Variants in NRXN3 observed in about 807,000 individuals in gnomAD.
NRXN3 encodes the protein neurexin III.
A neutral mutation model predicts 137.6 loss-of-function variants in NRXN3; 32 were observed. The ratio of observed to expected loss-of-function variants is 0.23; its 90% CI spans 0.18 to 0.31. NRXN3 has a LOEUF of 0.31. Among genes scored for constraint, NRXN3 ranks in the 10% least tolerant of loss-of-function variants. The probability of loss-of-function intolerance (pLI) is 1.00; values close to 1 mark genes in which losing one functional copy is unlikely to be tolerated. For synonymous variants in NRXN3, 798 were observed against 784.5 expected (o/e 1.02, Z -0.29); for missense variants, 1,574 against 2,062.5 (o/e 0.76, Z 4.59).
intron 15 of NRXN3, among the ~76,000 whole-genome samples, chr14:79,287,300 T>C (rs904616510): frequency 2.0e-5 from 3 of 152,184 alleles, no homozygotes; most frequent in Non-Finnish European, 2.9e-5. Context: ...TAGAAAGTCA[T>C]GCCAGGCAAA....
intron 15 of NRXN3, among the ~76,000 whole-genome samples, chr14:79,292,269 T>C (rs1409896837): frequency 1.3e-5 from 2 of 152,210 alleles, no homozygotes; most frequent in African/African-American, 4.8e-5. Flanking sequence ...AATGAATAGT[T>C]ACATCTTTAC....
At chr14:78,746,435 T>A (rs1480382715) in intron 8 of NRXN3, among the ~76,000 whole-genome samples, 1 of 152,160 alleles carries the variant, frequency 6.6e-6, no homozygotes, top group Non-Finnish European at 1.5e-5. Flanking sequence ...GTGGGATAAG[T>A]TCTTACAATG....
At chr14:78,466,703 C>A (rs977848873) in intron 4 of NRXN3, among the ~76,000 whole-genome samples, 23 of 152,138 alleles carry the variant, frequency 1.5e-4, no homozygotes, top group African/African-American at 5.6e-4. Flanking sequence ...ACCAGACAGA[C>A]CTGGAGTCAA....
chr14:78,897,186 TAA>T (rs2099179306), intron 10 of NRXN3, among the ~76,000 whole-genome samples: 2 of 151,906 alleles, frequency 1.3e-5, no homozygotes, highest in African/African-American at 4.8e-5. Flanking sequence ...AAGTGTTTCA[TAA>T]AGTGTTTGTT....
chr14:78,398,354 CTT>C (rs1392822824), intron 4 of NRXN3, among the ~76,000 whole-genome samples: 1 of 151,916 alleles, frequency 6.6e-6, no homozygotes, highest in Non-Finnish European at 1.5e-5. Context: ...AACCTGGACA[CTT>C]TGGTTATTAT....
At chr14:78,967,031 G>A (rs894404470) in intron 12 of NRXN3, among the ~76,000 whole-genome samples, 177 bp from the exon 13 acceptor site, 2 of 152,124 alleles carry the variant, frequency 1.3e-5, no homozygotes, top group Admixed American at 6.5e-5. Flanking sequence ...TTATAGTGAA[G>A]CATGATAGAA....
chr14:79,136,148 T>C (rs2620392), intron 15 of NRXN3, among the ~76,000 whole-genome samples: 4,036 of 152,266 alleles, frequency 0.027, 180 homozygotes, highest in African/African-American at 0.092. Flanking sequence ...GAATTAGTAA[T>C]ATCCCATATA....
chr14:79,747,649 G>A (rs2098983675), intron 19 of NRXN3, among the ~76,000 whole-genome samples: 1 of 152,106 alleles, frequency 6.6e-6, no homozygotes, highest in Non-Finnish European at 1.5e-5. Flanking sequence ...TCTAACCAAT[G>A]TGTCTAATAA....
intron 4 of NRXN3, among the ~76,000 whole-genome samples, chr14:78,577,257 G>A (rs931264866): frequency 2.6e-5 from 4 of 152,154 alleles, no homozygotes; most frequent in Non-Finnish European, 5.9e-5. Flanking sequence ...TAATGTAATT[G>A]TTGGTCCTCA....
At chr14:78,226,238 C>T (rs193017183) in intron 1 of NRXN3, among the ~76,000 whole-genome samples, 110 of 152,162 alleles carry the variant, frequency 7.2e-4, no homozygotes, top group African/African-American at 2.6e-3. Context: ...CTTCTGACCT[C>T]GTGATCCACT....
At chr14:78,907,020 C>T (rs186394283) in intron 10 of NRXN3, among the ~76,000 whole-genome samples, 33 of 151,988 alleles carry the variant, frequency 2.2e-4, no homozygotes, top group Admixed American at 1.3e-3. Flanking sequence ...TGTCTGTTAC[C>T]GAAGTAGGGA....
intron 4 of NRXN3, among the ~76,000 whole-genome samples, chr14:78,413,266 T>C (rs1397882857): frequency 6.6e-6 from 1 of 152,160 alleles, no homozygotes; most frequent in Non-Finnish European, 1.5e-5. Context: ...TTGCTCTGCA[T>C]TGAGGCAACA....
chr14:79,351,572 A>T (rs143493197), intron 15 of NRXN3, among the ~76,000 whole-genome samples: 1 of 152,190 alleles, frequency 6.6e-6, no homozygotes, highest in Non-Finnish European at 1.5e-5. Flanking sequence ...TCAGTTTCCT[A>T]ATCTACAAAA....
chr14:78,449,240 T>C (rs2094494476), intron 4 of NRXN3, among the ~76,000 whole-genome samples: 1 of 152,206 alleles, frequency 6.6e-6, no homozygotes, highest in Non-Finnish European at 1.5e-5. Context: ...TGAGATGGTG[T>C]CTCACTCTGT....
At chr14:79,280,163 G>T (rs1366368553) in intron 15 of NRXN3, 2 of 1,503,182 alleles carry the variant, frequency 1.3e-6, no homozygotes, top group Admixed American at 4.4e-5. Flanking sequence ...AGCGCATATT[G>T]CTTCCCTCTT....
At chr14:79,290,256 G>T (rs528870805) in intron 15 of NRXN3, among the ~76,000 whole-genome samples, 1 of 152,272 alleles carries the variant, frequency 6.6e-6, no homozygotes, top group African/African-American at 2.4e-5. Flanking sequence ...CTGCTTTTCT[G>T]TGTGGCACAT....
intron 16 of NRXN3, among the ~76,000 whole-genome samples, chr14:79,510,561 G>T (rs1415683175): frequency 6.6e-6 from 1 of 152,148 alleles, no homozygotes; most frequent in Non-Finnish European, 1.5e-5. Context: ...GACAGATGTG[G>T]CCAGAAGAAG....
intron 15 of NRXN3, among the ~76,000 whole-genome samples, chr14:79,284,966 A>G (rs1868637): frequency 0.99 from 150,718 of 152,302 alleles, 74,584 homozygotes; most frequent in East Asian, 1. Context: ...TGGTTTCTCC[A>G]TCTTTGGCTC....
chr14:78,377,719 G>T (rs533614156), intron 4 of NRXN3, among the ~76,000 whole-genome samples: 1 of 152,110 alleles, frequency 6.6e-6, no homozygotes, highest in Non-Finnish European at 1.5e-5. Context: ...GCCTTTCCTT[G>T]GTGTGCCTGC....
Sources: gnomAD v4.1 joint callset for allele counts (sites outside exome capture counted in the v4.1 genomes callset) on GRCh38, gnomAD v4.1.1 for gene constraint, MANE v1.5 for transcripts, NCBI Gene and HGNC (gene_info 2026-07-23, HGNC 2026-07-21) for gene names.